The following PARD3B variants were observed in gnomAD, a reference collection of about 807,000 sequenced individuals.
The protein encoded by PARD3B is partitioning defective 3 homolog B.
Under a neutral mutation model 130.2 loss-of-function variants are expected in PARD3B, and 103 were observed. The ratio of observed to expected loss-of-function variants is 0.79; its 90% CI spans 0.67 to 0.93. PARD3B has a LOEUF of 0.93. Among genes scored for constraint, PARD3B ranks in the 40% least tolerant of loss-of-function variants. The probability of loss-of-function intolerance (pLI) is 0.00; values close to 1 mark genes in which losing one functional copy is unlikely to be tolerated. For missense variants in PARD3B, 1,609 were observed against 1,499.2 expected, an observed-to-expected ratio of 1.07 and a Z score of -1.21; for synonymous variants, 583 against 553.2, an observed-to-expected ratio of 1.05 and a Z score of -0.76.
intron 4 of PARD3B, among the ~76,000 whole-genome samples, chr2:205,099,190 C>T (rs1409461058): frequency 6.6e-6 from 1 of 152,056 alleles, no homozygotes; most frequent in Non-Finnish European, 1.5e-5. Context: ...TCATTATATC[C>T]TTCTATGTTA....
intron 5 of PARD3B, among the ~76,000 whole-genome samples, chr2:205,107,731 A>C (rs1289346765): frequency 6.6e-6 from 1 of 152,218 alleles, no homozygotes; most frequent in East Asian, 1.9e-4. Flanking sequence ...ATTAACGCAA[A>C]CATCTTTATT....
intron 18 of PARD3B, among the ~76,000 whole-genome samples, chr2:205,317,955 T>C (rs2042615884): frequency 6.6e-6 from 1 of 152,130 alleles, no homozygotes; most frequent in South Asian, 2.1e-4. Flanking sequence ...AGAGAATAAC[T>C]AAAAGCAGCA....
intron 18 of PARD3B, among the ~76,000 whole-genome samples, chr2:205,378,785 C>T (rs1355883085): frequency 2.6e-5 from 4 of 152,014 alleles, no homozygotes; most frequent in Non-Finnish European, 5.9e-5. Flanking sequence ...GCGTGCACCA[C>T]CACACCCAGC....
chr2:205,193,863 G>C (rs2036529990), intron 15 of PARD3B, among the ~76,000 whole-genome samples: 1 of 152,164 alleles, frequency 6.6e-6, no homozygotes, highest in Non-Finnish European at 1.5e-5. Context: ...GGTCTCTTGG[G>C]CGTGCCACAC....
intron 1 of PARD3B, among the ~76,000 whole-genome samples, chr2:204,672,870 C>T (rs1230094345): frequency 1.3e-5 from 2 of 152,168 alleles, no homozygotes; most frequent in African/African-American, 4.8e-5. Context: ...TATTGCACAT[C>T]TATTGTAAGA....
intron 18 of PARD3B, among the ~76,000 whole-genome samples, chr2:205,384,157 C>T (rs889759864): frequency 2.0e-5 from 3 of 152,028 alleles, no homozygotes; most frequent in Non-Finnish European, 4.4e-5. Context: ...GTAAGTTTGA[C>T]AGAGAGAGAA....
intron 20 of PARD3B, chr2:205,482,692 C>G (rs1877342): frequency 0.21 from 32,195 of 151,984 alleles, 4,525 homozygotes; most frequent in Admixed American, 0.38. Context: ...GGATAAAAAC[C>G]AGCCTCTGGC....
chr2:205,420,763 T>C (rs963692968), intron 19 of PARD3B, among the ~76,000 whole-genome samples: 1 of 152,224 alleles, frequency 6.6e-6, no homozygotes, highest in Non-Finnish European at 1.5e-5. Context: ...GATACTTCCC[T>C]TGTATTATTT....
In PARD3B at chr2:205,121,060, CT is replaced by C. The variant is rs1480533355; in HGVS notation, c.807-530del. 6.6e-6 allele frequency among the ~76,000 whole-genome samples: 1 copy of C among 152,176 alleles called. No homozygotes were observed. Among genetic ancestry groups the C allele is most frequent in the Admixed American group, 6.5e-5 (1 of 15,284 alleles). On this transcript the variant is annotated intron_variant, in intron 7 of 22. Coordinates refer to ENST00000406610, the MANE Select transcript of PARD3B (RefSeq NM_001302769.2). The surrounding 1 kb of genome is among the most constrained non-coding windows in gnomAD (Gnocchi z 5.0). ...AGACATTTTGGCACAGCCAAAGCAC[CT>C]GCCAAAATGTCTCCATGAGCAAACA...
At chr2:205,102,596 T>C (rs921635340) in intron 4 of PARD3B, among the ~76,000 whole-genome samples, 3 of 152,112 alleles carry the variant, frequency 2.0e-5, no homozygotes, top group East Asian at 3.8e-4. Context: ...TTCTTTCTTA[T>C]CTACATGAAA....
intron 19 of PARD3B, among the ~76,000 whole-genome samples, chr2:205,436,797 A>G (rs2047532761): frequency 6.6e-6 from 1 of 151,984 alleles, no homozygotes; most frequent in Non-Finnish European, 1.5e-5. Context: ...AGTCACCTAG[A>G]TTACTGGTCC....
rs768619246 is a variant in PARD3B at position 205,401,074 on chromosome 2, G to T, written c.2692G>T (p.Gly898Cys). 17 of 1,603,314 alleles carry T rather than the reference G, an allele frequency of 1.1e-5. No individual in the cohort carries two copies. The highest frequency in any genetic ancestry group is 4.3e-6 in the Non-Finnish European group (5 of 1,175,090). Residue 898 changes from glycine to cysteine, a missense_variant, in exon 19 of 23, where the codon GGT becomes TGT. Coordinates refer to ENST00000406610, the MANE Select transcript of PARD3B (RefSeq NM_001302769.2). ...TGAGCAGAAAGGTACTCTGAAACAT[G>T]GTGGCCTGAGAGAAGAAGAGCTGGA... ...KAEQKGTLKH[G>C]GLREEELEKM...
rs2047664342 is a variant in PARD3B at position 205,440,233 on chromosome 2, G to A, written c.2742-137G>A. On this transcript the variant is annotated intron_variant, in intron 19 of 22. Coordinates refer to ENST00000406610, the MANE Select transcript of PARD3B (RefSeq NM_001302769.2). This position sits in a 1 kb window ranked among gnomAD's most constrained non-coding sequence, Gnocchi z 4.2. The stretch of plus-strand genomic sequence containing the variant: ...ATCTTCTTATGCTGTTGGCATTTCT[G>A]CATGCTGTGATCTTGAGTAAACAGG... 2 of 815,546 alleles carry A rather than the reference G, an allele frequency of 2.5e-6. No homozygotes were observed. The highest frequency in any genetic ancestry group is 3.8e-6 in the Non-Finnish European group (2 of 522,852). The allele number at this position is 815,546 out of a possible 1,614,324, so 50.5% of individuals were successfully genotyped here.
At chr2:205,372,871 C>G (rs1047541272) in intron 18 of PARD3B, among the ~76,000 whole-genome samples, 1 of 152,034 alleles carries the variant, frequency 6.6e-6, no homozygotes, top group African/African-American at 2.4e-5. Flanking sequence ...CCCAGCTACT[C>G]GGGAGGCTGA....
chr2:205,581,112 T>C (rs954849995), intron 22 of PARD3B, among the ~76,000 whole-genome samples: 1 of 151,934 alleles, frequency 6.6e-6, no homozygotes, highest in Admixed American at 6.6e-5. Context: ...GGAATTGGTA[T>C]ATCAAAGAGA....
Position 205,321,903 on chromosome 2 carries a change from CT to C in PARD3B, c.2630+20204del, listed in dbSNP as rs2042764657. ...ACCTCTGTAAATAGGTGCAAATATC[CT>C]TGTGATAAAGCGTCGGTAACCATTA... On this transcript the variant is annotated intron_variant, in intron 18 of 22. Transcript: ENST00000406610. The surrounding 1 kb of genome is among the most constrained non-coding windows in gnomAD (Gnocchi z 4.2). 2.0e-5 allele frequency among the ~76,000 whole-genome samples: 3 copies of C among 152,254 alleles called. No homozygotes were observed. In the South Asian group the frequency reaches 6.2e-4, roughly 32 times the overall value.
At position 205,473,678 on chromosome 2, in the gene PARD3B, G is replaced by GTA. The variant is rs1259404836; in HGVS notation, c.3045-26217_3045-26216insAT. Among the ~76,000 whole-genome samples, 35 of 90,154 alleles carry GTA rather than the reference G, an allele frequency of 3.9e-4. No individual in the cohort carries two copies. Among genetic ancestry groups the GTA allele is most frequent in the African/African-American group, 1.9e-3 (30 of 15,420 alleles). 59.1% of individuals were successfully genotyped at this position (90,154 alleles called of 152,430 possible). On this transcript the variant is annotated intron_variant, in intron 20 of 22. Coordinates refer to ENST00000406610, the MANE Select transcript of PARD3B (RefSeq NM_001302769.2). The surrounding 1 kb of genome is among the most constrained non-coding windows in gnomAD (Gnocchi z 4.9). ...TATGTGTGTGTGTGTGTGTGTGTGT[G>GTA]TGTATGTATATATATATATATATAT...
chr2:205,231,215 C>T (rs950823608), intron 15 of PARD3B, among the ~76,000 whole-genome samples: 1 of 152,114 alleles, frequency 6.6e-6, no homozygotes, highest in Non-Finnish European at 1.5e-5. Flanking sequence ...CTATTTGGCT[C>T]TCTTACTCCT....
At chr2:205,018,027 A>AT (rs2125324700) in intron 3 of PARD3B, among the ~76,000 whole-genome samples, 1 of 152,312 alleles carries the variant, frequency 6.6e-6, no homozygotes, top group East Asian at 1.9e-4. Context: ...ATGTAAACAT[A>AT]TGCTGTTGCC....
Sources: gnomAD v4.1 joint callset for allele counts (sites outside exome capture counted in the v4.1 genomes callset) on GRCh38, gnomAD v4.1.1 for gene constraint, Gnocchi (gnomAD v3.1) non-coding constraint, MANE v1.5 for transcripts, NCBI Gene and HGNC (gene_info 2026-07-23, HGNC 2026-07-21) for gene names.